BABAM2: variants seen among roughly 807,000 people sequenced by gnomAD.
BABAM2 encodes the protein BRISC and BRCA1-A complex member 2.
BABAM2 carries 31 observed loss-of-function variants against 54.7 expected under a neutral mutation model. That is an observed-to-expected ratio of 0.57 (90% CI 0.43 to 0.77). The LOEUF (loss-of-function observed/expected upper bound fraction) is 0.77, where lower values mean the gene tolerates loss of function less well. Ranked by LOEUF, BABAM2 falls within the 30% of genes least tolerant of loss-of-function variation. BABAM2 has a pLI of 0.00. For missense variants in BABAM2, 364 were observed against 455.8 expected, an observed-to-expected ratio of 0.80 and a Z score of 1.83; for synonymous variants, 167 against 162.9, an observed-to-expected ratio of 1.03 and a Z score of -0.19.
intron 10 of BABAM2, among the ~76,000 whole-genome samples, chr2:28,274,948 G>T (rs1281247151): frequency 6.6e-6 from 1 of 152,208 alleles, no homozygotes; most frequent in African/African-American, 2.4e-5. Flanking sequence ...GCATGCTCCA[G>T]TAGCTCCACT....
intron 11 of BABAM2, among the ~76,000 whole-genome samples, chr2:28,332,082 G>A (rs1320692746): frequency 6.6e-6 from 1 of 152,130 alleles, no homozygotes; most frequent in Non-Finnish European, 1.5e-5. Flanking sequence ...CCAAACACAT[G>A]TTGTCTCTTA....
At position 27,894,583 on chromosome 2, in the gene BABAM2, A is replaced by T. The variant is rs755642715; in HGVS notation, c.27A>T (p.Arg9=). ...TGTCCCCAGAAGTGGCCTTGAACCG[A>T]ATATCTCCAATGCTCTCCCCTTTCA... MSPEVALN[R]ISPMLSPFIS... Residue 9 remains arginine (R), a synonymous_variant, in exon 2 of 12, where the codon CGA becomes CGT. Transcript: ENST00000379624. The T allele has an allele frequency of 2.5e-6, 4 of 1,614,060 alleles. No individual in the cohort carries two copies. Among genetic ancestry groups the T allele is most frequent in the Non-Finnish European group, 3.4e-6 (4 of 1,179,924 alleles).
At chr2:27,890,526 AG>A (rs1156700793), upstream of BABAM2, 1 of 612,926 alleles carries the variant, frequency 1.6e-6, no homozygotes, top group East Asian at 2.8e-5. The surrounding 1 kb of genome is among the most constrained non-coding windows in gnomAD (Gnocchi z 4.8). Context: ...TTCCTGGAAT[AG>A]TCTCGGTGCA....
At chr2:28,097,262 A>T (rs1666710175) in intron 6 of BABAM2, among the ~76,000 whole-genome samples, 1 of 152,190 alleles carries the variant, frequency 6.6e-6, no homozygotes, top group African/African-American at 2.4e-5. Flanking sequence ...GTTCTTGACC[A>T]TAAGTAACCA....
chr2:28,052,742 G>T (rs1294626330), intron 6 of BABAM2, among the ~76,000 whole-genome samples: 1 of 152,152 alleles, frequency 6.6e-6, no homozygotes, highest in African/African-American at 2.4e-5. Flanking sequence ...ATATTGTTAG[G>T]AGAAATAGGT....
chr2:28,070,152 A>G (rs1428263408), intron 6 of BABAM2, among the ~76,000 whole-genome samples: 1 of 152,248 alleles, frequency 6.6e-6, no homozygotes, highest in Non-Finnish European at 1.5e-5. Flanking sequence ...CTACTCAGGC[A>G]CAGTTTCAAA....
At chr2:28,308,182 G>A (rs557496408) in intron 11 of BABAM2, 4 of 327,912 alleles carry the variant, frequency 1.2e-5, no homozygotes, top group East Asian at 7.4e-5. Flanking sequence ...AGTGAAAAAA[G>A]TTCTTGCCCC....
chr2:28,334,907 A>G (rs1691295360), intron 11 of BABAM2, among the ~76,000 whole-genome samples: 1 of 152,112 alleles, frequency 6.6e-6, no homozygotes, highest in Admixed American at 6.5e-5. Context: ...CCCCTTTTGC[A>G]TTAAGGGTGA....
At chr2:28,130,498 G>A (rs1271964833) in intron 7 of BABAM2, among the ~76,000 whole-genome samples, 2 of 152,148 alleles carry the variant, frequency 1.3e-5, no homozygotes, top group African/African-American at 4.8e-5. Flanking sequence ...TGTCACCCAG[G>A]CTGGAGTGTA....
At chr2:28,263,844 T>C (rs1459257865) in intron 10 of BABAM2, among the ~76,000 whole-genome samples, 1 of 152,224 alleles carries the variant, frequency 6.6e-6, no homozygotes, top group Non-Finnish European at 1.5e-5. Context: ...CTCTTTGTAC[T>C]ATGAGTCTTT....
chr2:28,065,002 CAA>C (rs796411019), intron 6 of BABAM2, among the ~76,000 whole-genome samples: 146 of 107,012 alleles, frequency 1.4e-3, no homozygotes, highest in African/African-American at 2.5e-3. Context: ...GACTCTATCT[CAA>C]AAAAAAAAAA....
At chr2:28,279,823 C>T (rs1418962599) in intron 10 of BABAM2, among the ~76,000 whole-genome samples, 2 of 151,924 alleles carry the variant, frequency 1.3e-5, no homozygotes, top group South Asian at 2.1e-4. Context: ...TGCGCCACCA[C>T]GCCTGGCTAA....
chr2:28,064,294 A>C (rs1005207908), intron 6 of BABAM2, among the ~76,000 whole-genome samples: 4 of 152,202 alleles, frequency 2.6e-5, no homozygotes, highest in Non-Finnish European at 4.4e-5. Context: ...ATCTTGTAAA[A>C]TGGTGGAGTA....
At chr2:28,235,383 GCCAGAATGGTCTCGATCTCTTGA>G (rs1681810264) in intron 7 of BABAM2, among the ~76,000 whole-genome samples, 1 of 151,822 alleles carries the variant, frequency 6.6e-6, no homozygotes, top group South Asian at 2.1e-4. Context: ...CACCATGTTG[GCCAGAATGGTCTCGATCTCTTGA>G]CCTTGTGATC....
intron 7 of BABAM2, among the ~76,000 whole-genome samples, chr2:28,191,153 T>G (rs953680068): frequency 6.6e-6 from 1 of 152,100 alleles, no homozygotes; most frequent in Non-Finnish European, 1.5e-5. Context: ...GGCAAAAGAT[T>G]TGAACAAATA....
chr2:28,329,547 T>A lies in BABAM2; in HGVS notation c.1089-8903T>A, dbSNP rs912133947. 3.9e-5 allele frequency among the ~76,000 whole-genome samples: 6 copies of A among 152,132 alleles called. No homozygotes were observed. Among genetic ancestry groups the A allele is most frequent in the African/African-American group, 1.4e-4 (6 of 41,396 alleles). On this transcript the variant is annotated intron_variant, in intron 11 of 11. Transcript: ENST00000379624. The surrounding 1 kb of genome is among the most constrained non-coding windows in gnomAD (Gnocchi z 4.2). ...CAAACAACCATCAGAGAATACTATATAAACACCTCTGTGCAAATAAGCTAG... is the reference window on the plus strand; with the variant it reads ...CAAACAACCATCAGAGAATACTATAAAAACACCTCTGTGCAAATAAGCTAG...
intron 7 of BABAM2, among the ~76,000 whole-genome samples, chr2:28,205,811 G>A (rs926621357): frequency 6.6e-6 from 1 of 152,218 alleles, no homozygotes; most frequent in Non-Finnish European, 1.5e-5. Context: ...TGGATGAGTA[G>A]AAATTTATTT....
At chr2:28,171,144 C>T (rs1573744072) in intron 7 of BABAM2, among the ~76,000 whole-genome samples, 1 of 151,100 alleles carries the variant, frequency 6.6e-6, no homozygotes, top group East Asian at 1.9e-4. Flanking sequence ...GGAGATTGTA[C>T]CATATCAGTC....
intron 2 of BABAM2, among the ~76,000 whole-genome samples, chr2:27,909,911 G>A: frequency 6.6e-6 from 1 of 152,230 alleles, no homozygotes; most frequent in South Asian, 2.1e-4. Flanking sequence ...AACAATAGCT[G>A]TTATCATTAA....
Sources: gnomAD v4.1 joint callset for allele counts (sites outside exome capture counted in the v4.1 genomes callset) on GRCh38, gnomAD v4.1.1 for gene constraint, Gnocchi (gnomAD v3.1) non-coding constraint, MANE v1.5 for transcripts, NCBI Gene and HGNC (gene_info 2026-07-23, HGNC 2026-07-21) for gene names.